The following CAP2 variants were observed in gnomAD, a reference collection of about 807,000 sequenced individuals.
CAP2 encodes the protein cyclase associated actin cytoskeleton regulatory protein 2.
A neutral mutation model predicts 57.7 loss-of-function variants in CAP2; 24 were observed. The ratio of observed to expected loss-of-function variants is 0.42; its 90% confidence interval spans 0.30 to 0.58. The LOEUF (loss-of-function observed/expected upper bound fraction) is 0.58, where lower values mean the gene tolerates loss of function less well. Among genes scored for constraint, CAP2 ranks in the 20% least tolerant of loss-of-function variants. CAP2 has a pLI of 0.22. For synonymous variants in CAP2, 194 were observed against 207.2 expected (o/e 0.94, Z 0.55); for missense variants, 501 against 590.3 (o/e 0.85, Z 1.57).
intron 4 of CAP2, among the ~76,000 whole-genome samples, chr6:17,496,029 G>GCGGGT (rs1554127011): frequency 8.0e-6 from 1 of 125,750 alleles, no homozygotes; most frequent in Non-Finnish European, 1.7e-5. Flanking sequence ...TGTGTGGGTG[G>GCGGGT]GGGGGGGGGG....
At chr6:17,437,765 T>C (rs927242192) in intron 3 of CAP2, among the ~76,000 whole-genome samples, 1 of 151,938 alleles carries the variant, frequency 6.6e-6, no homozygotes, top group African/African-American at 2.4e-5. Flanking sequence ...TAATCCCAGC[T>C]ACTCAGGAGG....
intron 11 of CAP2, among the ~76,000 whole-genome samples, chr6:17,543,809 T>G (rs1762969180): frequency 6.6e-6 from 1 of 151,996 alleles, no homozygotes; most frequent in East Asian, 1.9e-4. Context: ...TTTCCATTAC[T>G]GGCATACCAT....
rs766490475 is a variant in CAP2, at chr6:17,507,666, A to G, written c.470A>G (p.Lys157Arg). 4 of 1,609,892 alleles carry G rather than the reference A, an allele frequency of 2.5e-6. No individual in the cohort carries two copies. Among genetic ancestry groups the G allele is most frequent in the Non-Finnish European group, 3.4e-6 (4 of 1,176,598 alleles). The change falls in exon 6 of 13, where the codon AAG becomes AGG. Residue 157 changes from lysine to arginine, a missense_variant. Coordinates refer to ENST00000229922, the MANE Select transcript of CAP2 (RefSeq NM_006366.3). ...AVSPKPGPYV[K>R]EMNDAATFYT... is the part of the protein sequence containing the mutation. ...TCTCCCAAACCTGGTCCTTATGTCA[A>G]GGAGATGAATGACGCTGCCACCTTT...
rs12210872 is a variant in CAP2 at position 17,426,760 on chromosome 6, C to T, written c.222+70C>T. 3,319 of 968,198 alleles carry T rather than the reference C, an allele frequency of 3.4e-3. 10 individuals carry two copies. Among genetic ancestry groups the T allele is most frequent in the Non-Finnish European group, 4.7e-3 (2,779 of 595,904 alleles). The allele number at this position is 968,198 out of a possible 1,614,324, so 60.0% of individuals were successfully genotyped here. A position where few individuals can be genotyped will look rare whatever the true frequency, so the allele number is the denominator to read the frequency against. ...CCAGCCCAGCCTCTGACAACGCTAA[C>T]AGCCTGAGGAGATCTTTATTTATTT... On this transcript the variant is annotated intron_variant, in intron 3 of 12. Coordinates refer to ENST00000229922, the MANE Select transcript of CAP2 (RefSeq NM_006366.3).
intron 12 of CAP2, among the ~76,000 whole-genome samples, chr6:17,553,337 A>G (rs1005960539): frequency 2.7e-5 from 4 of 150,130 alleles, no homozygotes; most frequent in Non-Finnish European, 4.4e-5. Flanking sequence ...GTTCATGCTA[A>G]AAACCAAGGT....
At chr6:17,433,475 C>A (rs1759795681) in intron 3 of CAP2, among the ~76,000 whole-genome samples, 1 of 152,178 alleles carries the variant, frequency 6.6e-6, no homozygotes, top group African/African-American at 2.4e-5. Flanking sequence ...TTCCTCACTC[C>A]CTCTTTCTAG....
chr6:17,417,392 C>T (rs1581500083), intron 1 of CAP2, among the ~76,000 whole-genome samples: 2 of 151,408 alleles, frequency 1.3e-5, no homozygotes, highest in Admixed American at 1.3e-4. Context: ...CCTCCTGCCT[C>T]AGTCCTCCAA....
chr6:17,518,061 A>G (rs959969546), intron 7 of CAP2, among the ~76,000 whole-genome samples: 1 of 152,144 alleles, frequency 6.6e-6, no homozygotes, highest in African/African-American at 2.4e-5. Flanking sequence ...GGAATATTCT[A>G]TTCAAAATGG....
intron 11 of CAP2, among the ~76,000 whole-genome samples, chr6:17,548,139 G>A (rs572954880): frequency 6.6e-5 from 10 of 152,026 alleles, no homozygotes; most frequent in African/African-American, 1.9e-4. Context: ...AGGCTGAGGC[G>A]GGCAGATCAT....
chr6:17,441,987 C>T (rs1342695806), intron 3 of CAP2, among the ~76,000 whole-genome samples: 5 of 151,950 alleles, frequency 3.3e-5, no homozygotes, highest in African/African-American at 1.2e-4. Flanking sequence ...ACTCTTGTTG[C>T]GTTCACTTCT....
At chr6:17,521,630 C>T (rs1178189442) in intron 7 of CAP2, among the ~76,000 whole-genome samples, 2 of 152,088 alleles carry the variant, frequency 1.3e-5, no homozygotes, top group South Asian at 2.1e-4. Flanking sequence ...TTCCTGTCCA[C>T]GGAAACGCGC....
At chr6:17,539,152 T>C in intron 7 of CAP2, 117 bp from the exon 8 acceptor site, 1 of 922,330 alleles carries the variant, frequency 1.1e-6, no homozygotes, top group Non-Finnish European at 1.7e-6. Flanking sequence ...TCTGGGAGCC[T>C]TTGCTCAGGC....
chr6:17,520,274 AT>A, intron 7 of CAP2, among the ~76,000 whole-genome samples: 1 of 151,504 alleles, frequency 6.6e-6, no homozygotes, highest in East Asian at 1.9e-4. Context: ...TGCCTGGCTA[AT>A]TTTTATATTT....
chr6:17,518,852 G>T (rs2113672885), intron 7 of CAP2, among the ~76,000 whole-genome samples: 1 of 152,026 alleles, frequency 6.6e-6, no homozygotes, highest in South Asian at 2.1e-4. Context: ...TGCCCAGGGT[G>T]GTCTAGAACG....
At chr6:17,434,384 A>C (rs1305333584) in intron 3 of CAP2, among the ~76,000 whole-genome samples, 3 of 151,862 alleles carry the variant, frequency 2.0e-5, no homozygotes, top group African/African-American at 7.3e-5. Flanking sequence ...CCGCACCACC[A>C]AGCCCGGCTA....
In CAP2 at chr6:17,474,183, GTC is replaced by G. The variant is rs1491286318; in HGVS notation, c.300+11112_300+11113del. Among the ~76,000 whole-genome samples the G allele has an allele frequency of 5.4e-3, 568 of 104,612 alleles. 2 individuals are homozygous for G. The highest frequency in any genetic ancestry group is 0.021 in the African/African-American group (547 of 26,362). The allele number at this position is 104,612 out of a possible 152,430, so 68.6% of individuals were successfully genotyped here. The stretch of plus-strand genomic sequence containing the variant: ...CTAATCAAGACAGAGGAAAAAAACA[GTC>G]TTTTTTTTTTTTTTTTTTTTTTTTT... On this transcript the variant is annotated intron_variant, in intron 4 of 12. Coordinates refer to ENST00000229922, the MANE Select transcript of CAP2 (RefSeq NM_006366.3).
intron 4 of CAP2, among the ~76,000 whole-genome samples, chr6:17,474,468 G>A (rs1188347316): frequency 6.6e-6 from 1 of 152,060 alleles, no homozygotes; most frequent in Non-Finnish European, 1.5e-5. Flanking sequence ...ACATACTGCA[G>A]CCCTCTTTAA....
intron 4 of CAP2, among the ~76,000 whole-genome samples, chr6:17,503,557 T>C (rs1761889027): frequency 7.0e-6 from 1 of 143,390 alleles, no homozygotes; most frequent in Admixed American, 7.3e-5. Context: ...TGAGCCAAGA[T>C]CGTGCCGGTG....
At chr6:17,515,095 G>A (rs1762244660) in intron 7 of CAP2, among the ~76,000 whole-genome samples, 1 of 151,968 alleles carries the variant, frequency 6.6e-6, no homozygotes, top group Non-Finnish European at 1.5e-5. Flanking sequence ...TACTCAGGAG[G>A]CTGAGGCAAG....
Sources: allele counts gnomAD v4.1 joint callset (sites outside exome capture counted in the v4.1 genomes callset), GRCh38; gene constraint gnomAD v4.1.1; transcripts MANE v1.5; gene names NCBI Gene and HGNC (gene_info 2026-07-23, HGNC 2026-07-21).